Variants in DPH6 observed in about 807,000 individuals in gnomAD.
DPH6 encodes the protein diphthamine biosynthesis 6.
In DPH6, 33 loss-of-function variants were observed where a neutral mutation model predicts 38.2. The ratio of observed to expected loss-of-function variants is 0.86; its 90% confidence interval spans 0.65 to 1.15. DPH6 has a LOEUF of 1.15. DPH6 is among the 50% of genes most tolerant of loss of function. The probability of loss-of-function intolerance (pLI) is 0.00; values close to 1 mark genes in which losing one functional copy is unlikely to be tolerated. For synonymous variants in DPH6, 108 were observed against 103.0 expected (o/e 1.05, Z -0.30); for missense variants, 325 against 320.0 (o/e 1.02, Z -0.12).
intron 3 of DPH6, among the ~76,000 whole-genome samples, chr15:35,498,134 C>T (rs991877776): frequency 6.6e-6 from 1 of 152,154 alleles, no homozygotes. Flanking sequence ...AGTATAGAGA[C>T]TTCCCTCAGT....
chr15:35,218,581 G>A (rs533287916), exon 4 of DPH6: 24 of 152,296 alleles, frequency 1.6e-4, no homozygotes, highest in Non-Finnish European at 3.4e-4. Context: ...AAGTTAGACA[G>A]AAATTATCTT....
At chr15:35,391,476 G>C (rs994515211) in intron 6 of DPH6, among the ~76,000 whole-genome samples, 1 of 152,206 alleles carries the variant, frequency 6.6e-6, no homozygotes, top group African/African-American at 2.4e-5. Context: ...TCCTGGAGCT[G>C]TGGTGGGCTC....
intron 5 of DPH6, among the ~76,000 whole-genome samples, chr15:35,413,841 C>T (rs1160370503): frequency 6.6e-6 from 1 of 151,092 alleles, no homozygotes; most frequent in African/African-American, 2.4e-5. Flanking sequence ...TTATTTTTTT[C>T]TGCCTCATAC....
chr15:35,386,278 T>C (rs917396234), intron 6 of DPH6, among the ~76,000 whole-genome samples: 7 of 152,232 alleles, frequency 4.6e-5, no homozygotes, highest in Non-Finnish European at 7.3e-5. Context: ...TCCAAGTCTT[T>C]GCTATTGTGA....
chr15:35,461,146 G>A (rs1485559343), intron 3 of DPH6, among the ~76,000 whole-genome samples: 3 of 152,120 alleles, frequency 2.0e-5, no homozygotes, highest in East Asian at 1.9e-4. Context: ...ATGCAGTGGC[G>A]TGATCTTGGC....
In DPH6 at chr15:35,464,952, A is replaced by G. The variant is rs776398346; in HGVS notation, c.313-10132T>C. Among the ~76,000 whole-genome samples the G allele has an allele frequency of 8.5e-5, 13 of 152,226 alleles. 1 individual carries two copies. Among genetic ancestry groups the G allele is most frequent in the Non-Finnish European group, 1.9e-4 (13 of 68,024 alleles). ...ATACAGAGTTTGAGATGAGGAAGAC[A>G]TTCAGCCATATGGTCATAGTGATGA... On this transcript the variant is annotated intron_variant, in intron 3 of 8. Coordinates refer to ENST00000256538, the MANE Select transcript of DPH6 (RefSeq NM_080650.4).
chr15:35,310,185 T>C (rs1438820006), intron 3 of DPH6, among the ~76,000 whole-genome samples: 3 of 152,184 alleles, frequency 2.0e-5, no homozygotes, highest in South Asian at 2.1e-4. Context: ...ATGGATATTC[T>C]TTAGGGACAG....
At chr15:35,221,751 C>G (rs1282318701) in intron 3 of DPH6, among the ~76,000 whole-genome samples, 1 of 152,186 alleles carries the variant, frequency 6.6e-6, no homozygotes, top group African/African-American at 2.4e-5. Context: ...CCCAAGCAAG[C>G]TTTTTAATTC....
intron 3 of DPH6, among the ~76,000 whole-genome samples, chr15:35,305,497 C>T (rs1367811417): frequency 1.3e-5 from 2 of 151,966 alleles, no homozygotes; most frequent in Non-Finnish European, 2.9e-5. Context: ...GTTTTACATT[C>T]AATTACCAAT....
At chr15:35,389,189 C>T (rs1049674604) in intron 6 of DPH6, among the ~76,000 whole-genome samples, 1 of 152,176 alleles carries the variant, frequency 6.6e-6, no homozygotes, top group Non-Finnish European at 1.5e-5. Flanking sequence ...AGTTTGATTG[C>T]ACTGTGGTCT....
At chr15:35,192,925 A>G in the DPH6 span, among the ~76,000 whole-genome samples, 1 of 152,322 alleles carries the variant, frequency 6.6e-6, no homozygotes, top group African/African-American at 2.4e-5. Flanking sequence ...GAAACTGCCA[A>G]TCTTGGAAGG....
chr15:35,533,353 A>C (rs1281326582), intron 3 of DPH6, among the ~76,000 whole-genome samples: 2 of 152,104 alleles, frequency 1.3e-5, no homozygotes, highest in African/African-American at 4.8e-5. Flanking sequence ...TCTCCCAACC[A>C]CAACTGACTC....
At chr15:35,525,960 T>C (rs1267557898) in intron 3 of DPH6, among the ~76,000 whole-genome samples, 2 of 152,236 alleles carry the variant, frequency 1.3e-5, no homozygotes, top group African/African-American at 4.8e-5. Context: ...TAGTGCATTA[T>C]CCTAGATGAA....
chr15:35,180,324 T>G, the DPH6 span, among the ~76,000 whole-genome samples: 1 of 151,820 alleles, frequency 6.6e-6, no homozygotes, highest in Non-Finnish European at 1.5e-5. Flanking sequence ...TAATTTACAC[T>G]AAATGTAAGA....
intron 3 of DPH6, among the ~76,000 whole-genome samples, chr15:35,269,124 T>C (rs1363791701): frequency 6.6e-6 from 1 of 152,204 alleles, no homozygotes; most frequent in African/African-American, 2.4e-5. Flanking sequence ...AAACATATTA[T>C]GAGGACTACC....
intron 3 of DPH6, among the ~76,000 whole-genome samples, chr15:35,256,993 G>C (rs768989977): frequency 4.1e-4 from 63 of 152,180 alleles, no homozygotes; most frequent in Non-Finnish European, 8.7e-4. Context: ...ATTGATGACA[G>C]CTATTTGAGG....
At chr15:35,497,021 A>T (rs756266503) in intron 3 of DPH6, among the ~76,000 whole-genome samples, 11 of 152,128 alleles carry the variant, frequency 7.2e-5, no homozygotes, top group Non-Finnish European at 1.2e-4. Flanking sequence ...AACTTTAATC[A>T]GTTTAAATTC....
At chr15:35,148,560 T>G in the DPH6 span, among the ~76,000 whole-genome samples, 1 of 152,218 alleles carries the variant, frequency 6.6e-6, no homozygotes, top group Admixed American at 6.5e-5. Flanking sequence ...GGTTCTTTCC[T>G]TTCCTTTTCT....
At chr15:35,148,848 G>A in the DPH6 span, among the ~76,000 whole-genome samples, 1 of 152,060 alleles carries the variant, frequency 6.6e-6, no homozygotes, top group Admixed American at 6.6e-5. Context: ...TTAAAAAAGG[G>A]CACAGAAATA....
Sources: gnomAD v4.1 joint callset for allele counts (sites outside exome capture counted in the v4.1 genomes callset) on GRCh38, gnomAD v4.1.1 for gene constraint, MANE v1.5 for transcripts, NCBI Gene and HGNC (gene_info 2026-07-23, HGNC 2026-07-21) for gene names.